Variants in NRCAM observed in about 807,000 individuals in gnomAD.
The protein encoded by NRCAM is NgCAM-related cell adhesion molecule.
NRCAM carries 83 observed loss-of-function variants against 156.5 expected under a neutral mutation model. That is an observed-to-expected ratio of 0.53 (90% CI 0.44 to 0.64). NRCAM has a LOEUF of 0.64. NRCAM is among the 30% of genes least tolerant of loss of function. The pLI is 0.00. For missense variants in NRCAM, 1,417 were observed against 1,597.3 expected, an observed-to-expected ratio of 0.89 and a Z score of 1.92; for synonymous variants, 538 against 563.9, an observed-to-expected ratio of 0.95 and a Z score of 0.65.
chr7:108,194,453 G>A (rs1428033617), intron 15 of NRCAM, 25 bp from the exon 16 acceptor site: 5 of 1,518,412 alleles, frequency 3.3e-6, no homozygotes, highest in Non-Finnish European at 4.5e-6. Flanking sequence ...TTATCACAAT[G>A]AGAATAAAAA....
chr7:108,440,847 T>A (rs1181493102), intron 1 of NRCAM, among the ~76,000 whole-genome samples: 2 of 152,238 alleles, frequency 1.3e-5, no homozygotes, highest in African/African-American at 4.8e-5. Flanking sequence ...TTTTTGTGTG[T>A]GCTGAACTGT....
At chr7:108,403,094 G>A (rs575242219) in intron 1 of NRCAM, among the ~76,000 whole-genome samples, 1 of 152,280 alleles carries the variant, frequency 6.6e-6, no homozygotes, top group Admixed American at 6.5e-5. Flanking sequence ...TTGGCCCAGA[G>A]TGCCCAAATT....
At chr7:108,333,108 C>A (rs1345574544) in intron 2 of NRCAM, among the ~76,000 whole-genome samples, 3 of 152,158 alleles carry the variant, frequency 2.0e-5, no homozygotes, top group Non-Finnish European at 4.4e-5. Context: ...GTTCCCAGAG[C>A]AAATAATTTC....
intron 1 of NRCAM, among the ~76,000 whole-genome samples, chr7:108,411,986 T>C (rs951154565): frequency 1.3e-5 from 2 of 152,194 alleles, no homozygotes; most frequent in East Asian, 1.9e-4. Flanking sequence ...TGTTTATGTA[T>C]ACACAGATCC....
intron 3 of NRCAM, among the ~76,000 whole-genome samples, chr7:108,299,152 A>AGTAAG (rs1168772759): frequency 7.1e-6 from 1 of 140,160 alleles, no homozygotes; most frequent in East Asian, 2.2e-4. Context: ...AGAAAAGTAA[A>AGTAAG]AAAAAAAAAA....
intron 4 of NRCAM, among the ~76,000 whole-genome samples, chr7:108,239,446 T>C (rs995261722): frequency 6.6e-6 from 1 of 152,182 alleles, no homozygotes; most frequent in Admixed American, 6.5e-5. Flanking sequence ...CTTGTCTGAA[T>C]CAAGAGAAAT....
chr7:108,149,772 C>T lies in NRCAM; in HGVS notation c.*138G>A. The T allele has an allele frequency of 1.4e-6, 1 of 705,346 alleles. No individual in the cohort carries two copies. Among genetic ancestry groups the T allele is most frequent in the South Asian group, 2.0e-5 (1 of 50,812 alleles). 43.7% of individuals were successfully genotyped at this position (705,346 alleles called of 1,614,324 possible). A position where few individuals can be genotyped will look rare whatever the true frequency, so the allele number is the denominator to read the frequency against. On this transcript the variant is annotated 3_prime_UTR_variant, in exon 33 of 33. Transcript: ENST00000379028. ...ATCATTTGACTGAGTTATGTTTTTG[C>T]TGTAACTATTCTCATAATACTAACA... is the stretch of plus-strand genomic sequence containing the variant.
At chr7:108,442,582 A>G (rs1232878821) in intron 1 of NRCAM, among the ~76,000 whole-genome samples, 1 of 152,168 alleles carries the variant, frequency 6.6e-6, no homozygotes, top group East Asian at 1.9e-4. Context: ...ATATAGATTA[A>G]CCATTCAAAG....
At chr7:108,337,984 A>G (rs1025627884) in intron 2 of NRCAM, among the ~76,000 whole-genome samples, 1 of 152,226 alleles carries the variant, frequency 6.6e-6, no homozygotes, top group African/African-American at 2.4e-5. Flanking sequence ...CTCCGGACTT[A>G]AGACTCAGGT....
intron 3 of NRCAM, among the ~76,000 whole-genome samples, chr7:108,267,050 C>A (rs1019732851): frequency 6.6e-6 from 1 of 152,166 alleles, no homozygotes; most frequent in Non-Finnish European, 1.5e-5. Flanking sequence ...TCCAATTATT[C>A]CAATAGGGTG....
Position 108,401,002 on chromosome 7 carries a change from G to A in NRCAM, c.-331-1409C>T, listed in dbSNP as rs150998936. ...AGGCCAGGTCCAGTGGCTCACGCCT[G>A]TAATCCCAGCACTTTGGGAGGCCCA... On this transcript the variant is annotated intron_variant, in intron 1 of 32. Transcript: ENST00000379028. Among the ~76,000 whole-genome samples, 266 of 152,144 alleles carry A rather than the reference G, an allele frequency of 1.7e-3. 4 individuals are homozygous for A. Among genetic ancestry groups the A allele is most frequent in the African/African-American group, 6.0e-3 (250 of 41,504 alleles).
intron 1 of NRCAM, among the ~76,000 whole-genome samples, chr7:108,424,231 G>A (rs886243537): frequency 1.3e-5 from 2 of 152,228 alleles, no homozygotes; most frequent in Non-Finnish European, 2.9e-5. Context: ...GGGCATCGAA[G>A]AGAGCTGGTG....
intron 2 of NRCAM, among the ~76,000 whole-genome samples, chr7:108,353,262 C>T (rs182470526): frequency 3.3e-5 from 5 of 152,298 alleles, no homozygotes; most frequent in Non-Finnish European, 7.4e-5. Flanking sequence ...GGTTATGCCA[C>T]TTCCATTTTA....
At chr7:108,438,706 T>C (rs945060728) in intron 1 of NRCAM, among the ~76,000 whole-genome samples, 8 of 152,170 alleles carry the variant, frequency 5.3e-5, no homozygotes, top group Non-Finnish European at 1.2e-4. Context: ...GAGTCAAAAT[T>C]GTCTTTATTC....
chr7:108,182,624 G>C, intron 23 of NRCAM, 71 bp downstream of exon 23: 3 of 1,392,854 alleles, frequency 2.2e-6, no homozygotes, highest in Non-Finnish European at 3.0e-6. Flanking sequence ...CCTGAGCAAG[G>C]AGAAATGGCC....
chr7:108,394,687 T>C (rs978891282), intron 2 of NRCAM, among the ~76,000 whole-genome samples: 7 of 152,226 alleles, frequency 4.6e-5, no homozygotes, highest in African/African-American at 7.2e-5. Context: ...CAGGTGGATA[T>C]TGGGATTTTG....
At chr7:108,247,126 G>A (rs2095993480) in intron 3 of NRCAM, among the ~76,000 whole-genome samples, 1 of 152,134 alleles carries the variant, frequency 6.6e-6, no homozygotes, top group Admixed American at 6.6e-5. Context: ...CTGAGCCAGT[G>A]ACTTTTTAAA....
intron 32 of NRCAM, chr7:108,156,331 C>A: frequency 1.0e-6 from 1 of 984,898 alleles, no homozygotes; most frequent in Non-Finnish European, 1.2e-6. Flanking sequence ...TGGTTTATGA[C>A]CTAGGTTTAT....
chr7:108,177,624 A>AATATATATAT (rs59391934), intron 26 of NRCAM, among the ~76,000 whole-genome samples: 9 of 80,614 alleles, frequency 1.1e-4, no homozygotes, highest in South Asian at 4.7e-4. Flanking sequence ...CTCCATCTCA[A>AATATATATAT]ATATATATAT....
Sources: gnomAD v4.1 joint callset for allele counts (sites outside exome capture counted in the v4.1 genomes callset) on GRCh38, gnomAD v4.1.1 for gene constraint, MANE v1.5 for transcripts, NCBI Gene and HGNC (gene_info 2026-07-23, HGNC 2026-07-21) for gene names.